Variants in PDE10A observed in about 807,000 individuals in gnomAD.
PDE10A encodes the protein cAMP and cAMP-inhibited cGMP 3',5'-cyclic phosphodiesterase 10A.
In PDE10A, 39 loss-of-function variants were observed where a neutral mutation model predicts 97.7. The observed-to-expected ratio is 0.40, with a 90% confidence interval of 0.31 to 0.52. The LOEUF is 0.52. PDE10A is among the 20% of genes least tolerant of loss of function. The probability of loss-of-function intolerance (pLI) is 0.56; values close to 1 mark genes in which losing one functional copy is unlikely to be tolerated. For synonymous variants in PDE10A, 371 were observed against 376.8 expected, an observed-to-expected ratio of 0.98 and a Z score of 0.18; for missense variants, 731 against 1,047.8, an observed-to-expected ratio of 0.70 and a Z score of 4.17.
At chr6:165,675,969 A>G (rs1790783067) in intron 1 of PDE10A, among the ~76,000 whole-genome samples, 1 of 152,228 alleles carries the variant, frequency 6.6e-6, no homozygotes, top group South Asian at 2.1e-4. Context: ...ACAATAGCAA[A>G]GATATGGAAT....
intron 1 of PDE10A, among the ~76,000 whole-genome samples, chr6:165,656,272 A>T (rs1789959038): frequency 3.7e-5 from 5 of 136,860 alleles, no homozygotes; most frequent in Admixed American, 2.8e-4. Context: ...ACACACACAC[A>T]CACACACACA....
chr6:165,835,689 C>T (rs896479619), intron 1 of PDE10A, among the ~76,000 whole-genome samples: 3 of 152,062 alleles, frequency 2.0e-5, no homozygotes, highest in Non-Finnish European at 2.9e-5. Context: ...GCTGAGAGAC[C>T]GGAGCTCCCG....
Position 165,379,331 on chromosome 6 carries a change from G to A in PDE10A, c.2646C>T (p.Ser882=). The A allele has an allele frequency of 6.2e-7, 1 of 1,613,686 alleles. No homozygotes were observed. The highest frequency in any genetic ancestry group is 8.5e-7 in the Non-Finnish European group (1 of 1,179,796). Reference sequence around the variant, plus strand: ...TCTCAAGCACCTGCTCATATTCACTGGAGCTCAGAGTGGAGAAGATATTGT... The same window carrying A: ...TCTCAAGCACCTGCTCATATTCACTAGAGCTCAGAGTGGAGAAGATATTGT... ...EGHNIFSTLS[S]SEYEQVLEII... Residue 882 remains serine (S), a synonymous_variant, in exon 18 of 22, where the codon TCC becomes TCT. Transcript: ENST00000539869.
chr6:165,714,322 G>A (rs1437557487), intron 1 of PDE10A, among the ~76,000 whole-genome samples: 4 of 152,230 alleles, frequency 2.6e-5, no homozygotes, highest in Admixed American at 1.3e-4. Context: ...TGGGGAAAGC[G>A]GGGAACAGGA....
chr6:165,855,030 AATGC>A (rs1427619099), intron 1 of PDE10A, among the ~76,000 whole-genome samples: 12 of 143,484 alleles, frequency 8.4e-5, no homozygotes, highest in African/African-American at 1.3e-4. Flanking sequence ...TGAATGAATG[AATGC>A]ATGAATGAAT....
chr6:165,632,670 C>T (rs770719826), intron 1 of PDE10A, among the ~76,000 whole-genome samples: 6 of 152,122 alleles, frequency 3.9e-5, no homozygotes, highest in East Asian at 1.9e-4. Flanking sequence ...TCTTGGTCAG[C>T]GAATTTCTGC....
In PDE10A at chr6:165,983,101, G is replaced by A. The variant is rs79848659; in HGVS notation, c.-615+4428C>T. On this transcript the variant is annotated intron_variant, in intron 1 of 19. Transcript: ENST00000366882. ...CACACACACACACACGAGTACATGT[G>A]TCAAATAACTTCAATGGACATCCAA... Among the ~76,000 whole-genome samples, 1,390 of 151,390 alleles carry A rather than the reference G, an allele frequency of 9.2e-3. 22 individuals are homozygous for A. The highest frequency in any genetic ancestry group is 0.032 in the African/African-American group (1,298 of 41,104).
intron 2 of PDE10A, among the ~76,000 whole-genome samples, chr6:165,521,083 T>C (rs562716009): frequency 6.6e-6 from 1 of 152,316 alleles, no homozygotes; most frequent in Admixed American, 6.5e-5. Context: ...TGTCAAATTT[T>C]CACGATATTC....
At chr6:165,977,391 G>A (rs1438683782) in intron 1 of PDE10A, among the ~76,000 whole-genome samples, 4 of 152,118 alleles carry the variant, frequency 2.6e-5, no homozygotes, top group East Asian at 3.9e-4. Context: ...GTATAACTTG[G>A]TGATGGTCCA....
intron 1 of PDE10A, among the ~76,000 whole-genome samples, chr6:165,557,727 AT>A (rs1477944108): frequency 1.3e-5 from 2 of 152,188 alleles, no homozygotes; most frequent in East Asian, 3.9e-4. Flanking sequence ...GGATATTACT[AT>A]TTATATTTCC....
At chr6:165,374,199 G>A (rs527851281) in intron 18 of PDE10A, among the ~76,000 whole-genome samples, 2 of 151,222 alleles carry the variant, frequency 1.3e-5, no homozygotes, top group South Asian at 4.2e-4. Flanking sequence ...CCTGCACATT[G>A]TGCACATGTA....
At chr6:165,449,932 T>C (rs73788397) in intron 4 of PDE10A, among the ~76,000 whole-genome samples, 3,992 of 152,240 alleles carry the variant, frequency 0.026, 174 homozygotes, top group African/African-American at 0.089. Flanking sequence ...AAAATTAATA[T>C]ATTTTATAAA....
intron 17 of PDE10A, among the ~76,000 whole-genome samples, chr6:165,384,643 T>G (rs1248034682): frequency 0.015 from 1,118 of 73,668 alleles, 43 homozygotes; most frequent in African/African-American, 0.053. Flanking sequence ...TGTGTGTGTG[T>G]GTGTGTGTGT....
chr6:165,729,964 T>C (rs1792388966), intron 1 of PDE10A, among the ~76,000 whole-genome samples: 1 of 152,212 alleles, frequency 6.6e-6, no homozygotes, highest in Non-Finnish European at 1.5e-5. Flanking sequence ...CATATATTTA[T>C]ATACATATAT....
intron 2 of PDE10A, among the ~76,000 whole-genome samples, chr6:165,494,285 A>T (rs1780394589): frequency 6.6e-6 from 1 of 152,108 alleles, no homozygotes; most frequent in African/African-American, 2.4e-5. Flanking sequence ...CTAAAAGTAG[A>T]TCTACCATTT....
chr6:165,778,815 C>T (rs1778265801), intron 1 of PDE10A, among the ~76,000 whole-genome samples: 1 of 151,900 alleles, frequency 6.6e-6, no homozygotes, highest in Non-Finnish European at 1.5e-5. Context: ...CTATGAAATT[C>T]TTGCTTGTAT....
chr6:165,530,632 A>T (rs1349410296), intron 2 of PDE10A, among the ~76,000 whole-genome samples: 1 of 152,124 alleles, frequency 6.6e-6, no homozygotes, highest in African/African-American at 2.4e-5. Flanking sequence ...ATCTAAAATA[A>T]AAGTTAAAAT....
At chr6:165,957,055 A>G (rs1460766922) in intron 1 of PDE10A, among the ~76,000 whole-genome samples, 1 of 152,160 alleles carries the variant, frequency 6.6e-6, no homozygotes, top group African/African-American at 2.4e-5. Flanking sequence ...AGCCAGAAAA[A>G]TGACCTCCTG....
At chr6:165,866,572 G>T (rs975185278) in intron 1 of PDE10A, among the ~76,000 whole-genome samples, 1 of 151,566 alleles carries the variant, frequency 6.6e-6, no homozygotes, top group African/African-American at 2.4e-5. Flanking sequence ...CTATACTAAG[G>T]TTGCAAAGCG....
Sources: gnomAD v4.1 joint callset for allele counts (sites outside exome capture counted in the v4.1 genomes callset) on GRCh38, gnomAD v4.1.1 for gene constraint, MANE v1.5 for transcripts, NCBI Gene and HGNC (gene_info 2026-07-23, HGNC 2026-07-21) for gene names.